SEPSECS: variants seen among roughly 807,000 people sequenced by gnomAD.
The protein encoded by SEPSECS is Sep (O-phosphoserine) tRNA:Sec (selenocysteine) tRNA synthase, also known as O-phosphoseryl-tRNA(Sec) selenium transferase.
In SEPSECS, 42 loss-of-function variants were observed where a neutral mutation model predicts 52.1. That is an observed-to-expected ratio of 0.81 (90% confidence interval 0.63 to 1.04). The LOEUF (loss-of-function observed/expected upper bound fraction) is 1.04, where lower values mean the gene tolerates loss of function less well. SEPSECS is among the 50% of genes least tolerant of loss of function. The pLI is 0.00. For synonymous variants in SEPSECS, 216 were observed against 211.4 expected, an observed-to-expected ratio of 1.02 and a Z score of -0.19; for missense variants, 590 against 610.6, an observed-to-expected ratio of 0.97 and a Z score of 0.36.
At chr4:25,139,384 CTTTTTT>C (rs5856888) in intron 8 of SEPSECS, among the ~76,000 whole-genome samples, 7 of 108,848 alleles carry the variant, frequency 6.4e-5, no homozygotes, top group Non-Finnish European at 8.7e-5. Flanking sequence ...AAAGTTGTGT[CTTTTTT>C]TTTTTTTTTT....
intron 2 of SEPSECS, 84 bp from the exon 3 acceptor site, chr4:25,157,058 C>CA: frequency 2.5e-6 from 2 of 805,224 alleles, no homozygotes; most frequent in Non-Finnish European, 2.2e-6. Flanking sequence ...ATGTAATAAC[C>CA]AAAAAAACAC....
In SEPSECS at chr4:25,156,707, CAAAAAAAAA is replaced by C. The variant is rs34542574; in HGVS notation, c.388+140_388+148del. On this transcript the variant is annotated intron_variant, in intron 3 of 10. Transcript: ENST00000382103. ...TGGGCAACAGAGCTAGACTCCGTCTCAAAAAAAAAAAAAAAAAAAAAAAAAAAAGAAGTC... is the reference window on the plus strand; with the variant it reads ...TGGGCAACAGAGCTAGACTCCGTCTCAAAAAAAAAAAAAAAAAAAGAAGTC... The C allele has an allele frequency of 3.3e-3, 762 of 229,232 alleles. 1 individual carries two copies. The highest frequency in any genetic ancestry group is 8.9e-3 in the Middle Eastern group (7 of 784). 14.2% of individuals were successfully genotyped at this position (229,232 alleles called of 1,614,324 possible).
At chr4:25,133,790 A>G (rs1294076750) in intron 8 of SEPSECS, among the ~76,000 whole-genome samples, 1 of 152,052 alleles carries the variant, frequency 6.6e-6, no homozygotes, top group Admixed American at 6.6e-5. Flanking sequence ...TGTTTCTATA[A>G]GAACATAGAA....
chr4:25,123,962 A>T lies in SEPSECS; in HGVS notation c.1475T>A (p.Leu492His). The T allele has an allele frequency of 6.2e-7, 1 of 1,613,618 alleles. No individual in the cohort carries two copies. Among genetic ancestry groups the T allele is most frequent in the Admixed American group, 1.7e-5 (1 of 59,998 alleles). Residue 492 changes from leucine to histidine, a missense_variant, in exon 11 of 11, where the codon CTT (leucine) becomes CAT (histidine). Leu to His is a moderately conservative substitution (Grantham distance 99). Coordinates refer to ENST00000382103, the MANE Select transcript of SEPSECS (RefSeq NM_016955.4). ...EEMALKLDNVLLDTYQDASS is the reference protein window; with the variant it reads ...EEMALKLDNVHLDTYQDASS ...AGAAGCATCCTGGTATGTGTCAAGA[A>T]GTACATTATCTAGTTTTAAAGCCAT...
chr4:25,135,655 T>G (rs934709689), intron 8 of SEPSECS, among the ~76,000 whole-genome samples: 2 of 152,126 alleles, frequency 1.3e-5, no homozygotes, highest in African/African-American at 4.8e-5. Context: ...CTTCTGAAAC[T>G]ATTCCAAACA....
intron 6 of SEPSECS, among the ~76,000 whole-genome samples, chr4:25,147,786 C>A (rs1712050157): frequency 6.6e-6 from 1 of 151,934 alleles, no homozygotes; most frequent in Non-Finnish European, 1.5e-5. Flanking sequence ...AATGTTAAAA[C>A]AATAAAAATA....
intron 10 of SEPSECS, chr4:25,125,463 C>G: frequency 1.8e-6 from 1 of 542,234 alleles, no homozygotes; most frequent in African/African-American, 1.9e-5. Context: ...TTCTGTACAT[C>G]TATGAAAACA....
chr4:25,127,683 G>A (rs148055332), intron 8 of SEPSECS, among the ~76,000 whole-genome samples: 87 of 152,218 alleles, frequency 5.7e-4, no homozygotes, highest in African/African-American at 1.9e-3. Flanking sequence ...CACAGCAATA[G>A]ATCCTAAATG....
chr4:25,149,234 A>T (rs558447829), intron 6 of SEPSECS, among the ~76,000 whole-genome samples: 3 of 151,436 alleles, frequency 2.0e-5, no homozygotes, highest in Admixed American at 1.3e-4. Flanking sequence ...ATTTTTTTTT[A>T]AATTTTAGTT....
intron 8 of SEPSECS, among the ~76,000 whole-genome samples, chr4:25,141,663 T>C (rs1308292101): frequency 6.6e-6 from 1 of 152,230 alleles, no homozygotes; most frequent in African/African-American, 2.4e-5. Context: ...CAATCTATTA[T>C]CAATGTGAGC....
chr4:25,125,905 C>A, intron 9 of SEPSECS, 121 bp from the exon 10 acceptor site: 1 of 708,128 alleles, frequency 1.4e-6, no homozygotes, highest in Non-Finnish European at 2.6e-6. Context: ...CACAATTTCA[C>A]TTTAATGTAC....
At chr4:25,159,762 ACT>A (rs1560338973) in intron 1 of SEPSECS, 67 of 1,047,006 alleles carry the variant, frequency 6.4e-5, no homozygotes, top group Non-Finnish European at 7.5e-5. Flanking sequence ...AAAGAGCGAG[ACT>A]CTGTTTCAAA....
intron 4 of SEPSECS, among the ~76,000 whole-genome samples, chr4:25,155,437 C>G (rs1440913347): frequency 6.6e-6 from 1 of 152,112 alleles, no homozygotes; most frequent in African/African-American, 2.4e-5. Context: ...AAATAGATAT[C>G]TATAGAAGTA....
At chr4:25,134,638 C>T (rs901304460) in intron 8 of SEPSECS, among the ~76,000 whole-genome samples, 2 of 152,058 alleles carry the variant, frequency 1.3e-5, no homozygotes, top group South Asian at 2.1e-4. Context: ...CTCAAACTCT[C>T]AGTTTAATTT....
chr4:25,134,625 ACACT>A (rs1474853519), intron 8 of SEPSECS, among the ~76,000 whole-genome samples: 1 of 152,186 alleles, frequency 6.6e-6, no homozygotes, highest in African/African-American at 2.4e-5. Flanking sequence ...TTAGAAGAGT[ACACT>A]CAAACTCTCA....
chr4:25,157,156 A>G (rs1409520461), intron 2 of SEPSECS, among the ~76,000 whole-genome samples, 182 bp from the exon 3 acceptor site: 1 of 152,218 alleles, frequency 6.6e-6, no homozygotes, highest in African/African-American at 2.4e-5. Context: ...AATTTCATCA[A>G]TTATGCTGTG....
intron 1 of SEPSECS, 128 bp downstream of exon 1, chr4:25,160,128 G>C: frequency 6.7e-7 from 1 of 1,482,340 alleles, no homozygotes; most frequent in Admixed American, 2.4e-5. Context: ...GGCAAGCCAA[G>C]CTGAGACAGA....
At chr4:25,140,489 C>T (rs1212015067) in intron 8 of SEPSECS, among the ~76,000 whole-genome samples, 2 of 152,080 alleles carry the variant, frequency 1.3e-5, no homozygotes, top group African/African-American at 2.4e-5. Flanking sequence ...GACCCAATTG[C>T]CTAGATTTCG....
intron 8 of SEPSECS, among the ~76,000 whole-genome samples, chr4:25,144,476 C>T (rs1711833896): frequency 6.6e-6 from 1 of 151,698 alleles, no homozygotes; most frequent in South Asian, 2.1e-4. Context: ...CCTTTAAGTA[C>T]CTTTAAGTGA....
Sources: allele counts gnomAD v4.1 joint callset (sites outside exome capture counted in the v4.1 genomes callset), GRCh38; gene constraint gnomAD v4.1.1; transcripts MANE v1.5; gene names NCBI Gene and HGNC (gene_info 2026-07-23, HGNC 2026-07-21).